Variants in CNTNAP4 observed in about 807,000 individuals in gnomAD.
CNTNAP4 encodes the protein contactin associated protein family member 4, also known as contactin-associated protein-like 4.
In CNTNAP4, 98 loss-of-function variants were observed where a neutral mutation model predicts 148.4. That is an observed-to-expected ratio of 0.66 (90% CI 0.56 to 0.78). The LOEUF (loss-of-function observed/expected upper bound fraction) is 0.78. Ranked by LOEUF, CNTNAP4 falls within the 30% of genes least tolerant of loss-of-function variation. CNTNAP4 has a pLI of 0.00. For synonymous variants in CNTNAP4, 730 were observed against 565.1 expected, an observed-to-expected ratio of 1.29 and a Z score of -4.14; for missense variants, 1,935 against 1,565.6, an observed-to-expected ratio of 1.24 and a Z score of -3.98.
intron 17 of CNTNAP4, among the ~76,000 whole-genome samples, chr16:76,525,348 T>C (rs1187275853): frequency 6.6e-6 from 1 of 151,234 alleles, no homozygotes; most frequent in Non-Finnish European, 1.5e-5. Flanking sequence ...GACCAAAGAG[T>C]TCTGTGTCTT....
intron 8 of CNTNAP4, among the ~76,000 whole-genome samples, chr16:76,453,714 G>A (rs1597593648): frequency 2.0e-5 from 3 of 152,032 alleles, no homozygotes; most frequent in South Asian, 2.1e-4. Flanking sequence ...AATTAAATAC[G>A]AGAAAACAAG....
intron 3 of CNTNAP4, among the ~76,000 whole-genome samples, chr16:76,384,763 A>G (rs1342042494): frequency 6.6e-6 from 1 of 152,228 alleles, no homozygotes; most frequent in Non-Finnish European, 1.5e-5. Context: ...TTTTACAAGC[A>G]TATATAACAC....
At chr16:76,375,353 G>A (rs975751733) in intron 3 of CNTNAP4, among the ~76,000 whole-genome samples, 1 of 152,220 alleles carries the variant, frequency 6.6e-6, no homozygotes, top group Non-Finnish European at 1.5e-5. Flanking sequence ...ACCTGGGAGG[G>A]GGAGGTTGCA....
chr16:76,495,948 C>T (rs1320732519), intron 14 of CNTNAP4, among the ~76,000 whole-genome samples: 1 of 151,708 alleles, frequency 6.6e-6, no homozygotes, highest in South Asian at 2.1e-4. Flanking sequence ...CAACTAAATC[C>T]CATCACATCA....
At chr16:76,549,341 G>C (rs751544800) in intron 21 of CNTNAP4, among the ~76,000 whole-genome samples, 1 of 152,152 alleles carries the variant, frequency 6.6e-6, no homozygotes, top group Non-Finnish European at 1.5e-5. Context: ...GCTGAGTGAG[G>C]AGAGGTTTCT....
At chr16:76,530,941 C>T (rs2083957198) in intron 17 of CNTNAP4, among the ~76,000 whole-genome samples, 1 of 152,190 alleles carries the variant, frequency 6.6e-6, no homozygotes, top group South Asian at 2.1e-4. Context: ...CCTTCAATCT[C>T]CTGACTTGGT....
At chr16:76,393,117 C>A (rs1348737090) in intron 3 of CNTNAP4, among the ~76,000 whole-genome samples, 1 of 152,208 alleles carries the variant, frequency 6.6e-6, no homozygotes, top group Non-Finnish European at 1.5e-5. Context: ...CCACCAAATT[C>A]ACCAACTACA....
At chr16:76,411,416 G>A (rs879141065) in intron 3 of CNTNAP4, among the ~76,000 whole-genome samples, 1 of 151,294 alleles carries the variant, frequency 6.6e-6, no homozygotes, top group Admixed American at 6.6e-5. Flanking sequence ...ATTTTATAAT[G>A]TCTGTAGTGG....
chr16:76,374,759 A>AG (rs71134754), intron 3 of CNTNAP4, among the ~76,000 whole-genome samples: 2,004 of 148,528 alleles, frequency 0.013, 43 homozygotes, highest in African/African-American at 0.046. Context: ...TATTATTATT[A>AG]TTATTATTAT....
chr16:76,485,992 G>C (rs2143736322), intron 12 of CNTNAP4, among the ~76,000 whole-genome samples: 1 of 152,252 alleles, frequency 6.6e-6, no homozygotes, highest in African/African-American at 2.4e-5. Flanking sequence ...CACAAGCTTT[G>C]CAAGTGTATT....
chr16:76,333,779 G>GTTTTTTTTTTTTTT (rs549878036), intron 2 of CNTNAP4, among the ~76,000 whole-genome samples: 46 of 45,602 alleles, frequency 1.0e-3, no homozygotes, highest in Non-Finnish European at 1.5e-3. Flanking sequence ...TGGGTTATAG[G>GTTTTTTTTTTTTTT]TTTTTTTTTT....
intron 2 of CNTNAP4, among the ~76,000 whole-genome samples, chr16:76,346,433 A>T (rs766873124): frequency 3.0e-4 from 4 of 13,242 alleles, no homozygotes; most frequent in East Asian, 0.077. Context: ...TAGGGAAGAT[A>T]AAAAAAAAAA....
intron 3 of CNTNAP4, among the ~76,000 whole-genome samples, chr16:76,398,518 G>C (rs1422873796): frequency 6.6e-6 from 1 of 152,136 alleles, no homozygotes; most frequent in Non-Finnish European, 1.5e-5. Flanking sequence ...GCAAAGAGCA[G>C]CTACATGCAC....
At chr16:76,396,712 C>T (rs1337637426) in intron 3 of CNTNAP4, among the ~76,000 whole-genome samples, 1 of 152,206 alleles carries the variant, frequency 6.6e-6, no homozygotes, top group African/African-American at 2.4e-5. Context: ...GCATCCTTCA[C>T]CTCATGCCTA....
At position 76,448,802 on chromosome 16, in the gene CNTNAP4, A is replaced by T. The variant is rs1471172229; in HGVS notation, c.778A>T (p.Asn260Tyr). The change falls in exon 6 of 24, where the codon AAT becomes TAT. Residue 260 changes from asparagine (N) to tyrosine (Y), a missense_variant. Coordinates refer to ENST00000611870, the MANE Select transcript of CNTNAP4 (RefSeq NM_033401.5). ...AKLPSTSTLV[N>Y]LTLGSLLDDQ... The stretch of plus-strand genomic sequence containing the variant: ...ACTGCCTTCCACTTCCACCCTGGTC[A>T]ATCTCACCCTGGGCAGCCTGCTAGA... 2 of 1,611,096 alleles carry T rather than the reference A, an allele frequency of 1.2e-6. No homozygotes were observed. Among genetic ancestry groups the T allele is most frequent in the Non-Finnish European group, 1.7e-6 (2 of 1,178,800 alleles).
chr16:76,308,370 T>A (rs564668744), intron 1 of CNTNAP4, among the ~76,000 whole-genome samples: 1 of 152,364 alleles, frequency 6.6e-6, no homozygotes, highest in South Asian at 2.1e-4. Flanking sequence ...TTTCATCACC[T>A]ATGCTTAGAA....
rs745345356 is a variant in CNTNAP4 at position 76,498,585 on chromosome 16, G to C, written c.2256G>C (p.Leu752Phe). 1 of 1,611,842 alleles carries C rather than the reference G, an allele frequency of 6.2e-7. No individual in the cohort carries two copies. The highest frequency in any genetic ancestry group is 8.5e-7 in the Non-Finnish European group (1 of 1,178,914). The change falls in exon 15 of 24, where the codon TTG becomes TTC. Residue 752 changes from leucine (L) to phenylalanine (F), a missense_variant. Leu to Phe is a conservative substitution (Grantham distance 22). Transcript: ENST00000611870. ...TTTTTAGGACCAATGACACTGGATTGCTTGCTTATAAAGAACATCTTCCAG... is the reference window on the plus strand; with the variant it reads ...TTTTTAGGACCAATGACACTGGATTCCTTGCTTATAAAGAACATCTTCCAG... ...DRNEWTNDTGLLAYKEHLPVT... is the reference protein window; with the variant it reads ...DRNEWTNDTGFLAYKEHLPVT...
At chr16:76,302,844 C>G (rs1021291069) in intron 1 of CNTNAP4, among the ~76,000 whole-genome samples, 9 of 152,086 alleles carry the variant, frequency 5.9e-5, no homozygotes, top group Non-Finnish European at 1.5e-5. Flanking sequence ...CTGACTATCT[C>G]TCCAGAAGGG....
intron 1 of CNTNAP4, among the ~76,000 whole-genome samples, chr16:76,314,943 C>G (rs1470400792): frequency 6.6e-6 from 1 of 152,066 alleles, no homozygotes; most frequent in African/African-American, 2.4e-5. Context: ...ATATATGTCC[C>G]TAAACAACAT....
Sources: gnomAD v4.1 joint callset for allele counts (sites outside exome capture counted in the v4.1 genomes callset) on GRCh38, gnomAD v4.1.1 for gene constraint, MANE v1.5 for transcripts, NCBI Gene and HGNC (gene_info 2026-07-23, HGNC 2026-07-21) for gene names.